Variants in ESRRB observed in about 807,000 individuals in gnomAD.
ESRRB encodes the protein steroid hormone receptor ERR2.
In ESRRB, 16 loss-of-function variants were observed where a neutral mutation model predicts 46.0. The observed-to-expected ratio is 0.35, with a 90% confidence interval of 0.24 to 0.53. The LOEUF is 0.53. Ranked by LOEUF, ESRRB falls within the 20% of genes least tolerant of loss-of-function variation. The pLI is 0.93. For missense variants in ESRRB, 488 were observed against 607.4 expected, an observed-to-expected ratio of 0.80 and a Z score of 2.07; for synonymous variants, 246 against 259.6, an observed-to-expected ratio of 0.95 and a Z score of 0.50.
chr14:76,322,042 G>A (rs561228022), intron 1 of ESRRB, among the ~76,000 whole-genome samples: 203 of 152,168 alleles, frequency 1.3e-3, no homozygotes, highest in Non-Finnish European at 2.5e-3. Flanking sequence ...AGGCAACCAC[G>A]TGAATACCCT....
intron 1 of ESRRB, among the ~76,000 whole-genome samples, chr14:76,342,294 A>G (rs1884200857): frequency 6.6e-6 from 1 of 152,134 alleles, no homozygotes; most frequent in Non-Finnish European, 1.5e-5. Flanking sequence ...GGCTCTCTAA[A>G]TCAGACACAC....
intron 1 of ESRRB, among the ~76,000 whole-genome samples, chr14:76,432,971 G>A (rs375052389): frequency 1.1e-4 from 17 of 151,928 alleles, no homozygotes; most frequent in East Asian, 5.8e-4. Flanking sequence ...TACCACACCC[G>A]GCTGGATTCC....
intron 3 of ESRRB, among the ~76,000 whole-genome samples, chr14:76,469,944 C>CTTTTTTTTT (rs1178018542): frequency 8.9e-4 from 65 of 73,066 alleles, no homozygotes; most frequent in Non-Finnish European, 1.4e-3. Flanking sequence ...TTTTTTTTTT[C>CTTTTTTTTT]TTTTTTTTTT....
chr14:76,444,420 A>G (rs1566902175), intron 2 of ESRRB, among the ~76,000 whole-genome samples: 1 of 152,168 alleles, frequency 6.6e-6, no homozygotes. Context: ...CTAGAATTGG[A>G]CAACCACAGA....
At chr14:76,478,725 T>C (rs1254357037) in intron 3 of ESRRB, among the ~76,000 whole-genome samples, 3 of 152,020 alleles carry the variant, frequency 2.0e-5, no homozygotes, top group African/African-American at 7.3e-5. Flanking sequence ...GAGGGTTTGG[T>C]TTGGCCTGGG....
At position 76,499,035 on chromosome 14, in the gene ESRRB, A is replaced by G. The variant is rs564973196; in HGVS notation, c.*577A>G. The G allele has an allele frequency of 2.0e-5, 7 of 353,296 alleles. No homozygotes were observed. Among genetic ancestry groups the G allele is most frequent in the Non-Finnish European group, 4.0e-5 (7 of 175,338 alleles). The allele number at this position is 353,296 out of a possible 1,614,324, so 21.9% of individuals were successfully genotyped here. Reference sequence around the variant, plus strand: ...CTCAGCTTTCAGCCAGGGGGTACCCACAGGAGAGCAGCGGCTAGAGCTCAA... The same window carrying G: ...CTCAGCTTTCAGCCAGGGGGTACCCGCAGGAGAGCAGCGGCTAGAGCTCAA... On this transcript the variant is annotated 3_prime_UTR_variant, in exon 7 of 7. Coordinates refer to ENST00000644823, the MANE Select transcript of ESRRB (RefSeq NM_001379180.1).
At chr14:76,465,580 C>T (rs1889071806) in intron 3 of ESRRB, among the ~76,000 whole-genome samples, 1 of 152,112 alleles carries the variant, frequency 6.6e-6, no homozygotes, top group Non-Finnish European at 1.5e-5. Flanking sequence ...GCATGAGACC[C>T]CTGCTGCCTC....
rs529243634 is a variant in ESRRB, at chr14:76,432,671, CT to C, written c.51-6650del. Among the ~76,000 whole-genome samples, 142 of 111,430 alleles carry C rather than the reference CT, an allele frequency of 1.3e-3. 1 individual carries two copies. The highest frequency in any genetic ancestry group is 5.1e-3 in the Middle Eastern group (1 of 196). The allele number at this position is 111,430 out of a possible 152,430, so 73.1% of individuals were successfully genotyped here. On this transcript the variant is annotated intron_variant, in intron 1 of 6. Coordinates refer to ENST00000644823, the MANE Select transcript of ESRRB (RefSeq NM_001379180.1). ...TACTGAATAAGCTATTTCTCTCTCT[CT>C]TTTTTTTTTTTTTTTTTTTCTGAGA...
At chr14:76,384,497 G>C (rs1257756968) in intron 1 of ESRRB, among the ~76,000 whole-genome samples, 1 of 152,180 alleles carries the variant, frequency 6.6e-6, no homozygotes, top group Non-Finnish European at 1.5e-5. Flanking sequence ...AAACTGCCTG[G>C]TCTCTGAATA....
chr14:76,396,752 A>C (rs1566875267), intron 1 of ESRRB, among the ~76,000 whole-genome samples: 2 of 152,164 alleles, frequency 1.3e-5, no homozygotes, highest in African/African-American at 2.4e-5. Context: ...ACCCAGACAG[A>C]GGCTTAGCCC....
intron 1 of ESRRB, among the ~76,000 whole-genome samples, chr14:76,321,722 A>C (rs563659213): frequency 4.6e-4 from 70 of 152,208 alleles, no homozygotes; most frequent in South Asian, 8.3e-4. Context: ...AACTTCCTAC[A>C]GTTTATCTCA....
chr14:76,379,622 T>A (rs558068805), intron 1 of ESRRB, among the ~76,000 whole-genome samples: 42 of 152,164 alleles, frequency 2.8e-4, no homozygotes, highest in African/African-American at 9.6e-4. Flanking sequence ...TGCGCTGCCA[T>A]GGAAGAGGAT....
At position 76,498,638 on chromosome 14, in the gene ESRRB, GACGGGGAT is replaced by G; in HGVS notation, c.*181_*188del. ...GACTCCCGGGTGCAGTGGGGTGGGG[GACGGGGAT>G]GGGGGGGCAGGGGTGTGGGGCTCGA... On this transcript the variant is annotated 3_prime_UTR_variant, in exon 7 of 7. Transcript: ENST00000644823. 2 of 981,720 alleles carry G rather than the reference GACGGGGAT, an allele frequency of 2.0e-6. No homozygotes were observed. Among genetic ancestry groups the G allele is most frequent in the Non-Finnish European group, 2.9e-6 (2 of 699,776 alleles). The allele number at this position is 981,720 out of a possible 1,614,324, so 60.8% of individuals were successfully genotyped here. A position where few individuals can be genotyped will look rare whatever the true frequency, so the allele number is the denominator to read the frequency against.
In ESRRB at chr14:76,498,227, C is replaced by G. The variant is rs777066644; in HGVS notation, c.1134C>G (p.Ile378Met). 1.2e-6 allele frequency: 2 copies of G among 1,613,802 alleles called. No homozygotes were observed. Residue 378 changes from isoleucine to methionine, a missense_variant, in exon 7 of 7, where the codon ATC (isoleucine) becomes ATG (methionine). Physicochemically the swap from Ile to Met is conservative, Grantham distance 10 (BLOSUM62 1). Transcript: ENST00000644823. ...LALANSDSMY[I>M]EDLEAVQKLQ... Reference sequence around the variant, plus strand: ...TTGTGCCTGCAGATTCCATGTACATCGAGGATCTAGAGGCTGTCCAGAAGC... The same window carrying G: ...TTGTGCCTGCAGATTCCATGTACATGGAGGATCTAGAGGCTGTCCAGAAGC...
upstream of ESRRB, among the ~76,000 whole-genome samples, chr14:76,371,947 C>T (rs539681025): frequency 6.6e-6 from 1 of 152,254 alleles, no homozygotes; most frequent in South Asian, 2.1e-4. Flanking sequence ...GCTGCTGCCT[C>T]ATTTGTGCAA....
chr14:76,478,962 T>C (rs1566608782), intron 3 of ESRRB, among the ~76,000 whole-genome samples: 1 of 152,186 alleles, frequency 6.6e-6, no homozygotes, highest in Non-Finnish European at 1.5e-5. Flanking sequence ...GGATGGCATC[T>C]AGCTGTCCCT....
In ESRRB at chr14:76,482,419, C is replaced by T. The variant is rs189274922; in HGVS notation, c.689-179C>T. Among the ~76,000 whole-genome samples the T allele has an allele frequency of 1.4e-4, 22 of 152,294 alleles. No homozygotes were observed. The East Asian group carries it at 3.5e-3, about 24-fold the overall frequency. ...CTTCCCTTGGAGGGATATTTCTCAA[C>T]AGCCCAGATCACCACTACCAGCAAC... On this transcript the variant is annotated intron_variant, in intron 4 of 6. Transcript: ENST00000644823. This position sits in a 1 kb window ranked among gnomAD's most constrained non-coding sequence, Gnocchi z 4.3.
intron 1 of ESRRB, among the ~76,000 whole-genome samples, chr14:76,320,569 A>T (rs1883855403): frequency 6.6e-6 from 1 of 152,214 alleles, no homozygotes; most frequent in Admixed American, 6.5e-5. Flanking sequence ...CCGTGCCTGG[A>T]CACGGCAGGC....
At chr14:76,343,960 G>A (rs979316763) in intron 1 of ESRRB, among the ~76,000 whole-genome samples, 1 of 152,234 alleles carries the variant, frequency 6.6e-6, no homozygotes, top group African/African-American at 2.4e-5. Context: ...AGTGTAATGT[G>A]AAGTCACTGG....
Sources: allele counts gnomAD v4.1 joint callset (sites outside exome capture counted in the v4.1 genomes callset), GRCh38; gene constraint gnomAD v4.1.1; non-coding constraint Gnocchi (gnomAD v3.1); transcripts MANE v1.5; gene names NCBI Gene and HGNC (gene_info 2026-07-23, HGNC 2026-07-21).